The following PDE1A variants were observed in gnomAD, a reference collection of about 807,000 sequenced individuals.
The protein encoded by PDE1A is phosphodiesterase 1A.
In PDE1A, 35 loss-of-function variants were observed where a neutral mutation model predicts 61.7. That is an observed-to-expected ratio of 0.57 (90% CI 0.43 to 0.75). The LOEUF (loss-of-function observed/expected upper bound fraction) is 0.75, where lower values mean the gene tolerates loss of function less well. Among genes scored for constraint, PDE1A ranks in the 30% least tolerant of loss-of-function variants. PDE1A has a pLI of 0.00. For missense variants in PDE1A, 597 were observed against 630.6 expected (o/e 0.95, Z 0.57); for synonymous variants, 232 against 213.2 (o/e 1.09, Z -0.77).
At chr2:182,499,611 A>C (rs925863662) in intron 2 of PDE1A, among the ~76,000 whole-genome samples, 3 of 152,246 alleles carry the variant, frequency 2.0e-5, no homozygotes, top group Non-Finnish European at 4.4e-5. Flanking sequence ...CACAAAAAGA[A>C]GACTGAAAGG....
intron 2 of PDE1A, among the ~76,000 whole-genome samples, chr2:182,473,242 C>A (rs938796318): frequency 6.6e-6 from 1 of 151,858 alleles, no homozygotes; most frequent in Non-Finnish European, 1.5e-5. Flanking sequence ...TCTAAAACAC[C>A]AAAAGCAACG....
chr2:182,639,527 C>G, the PDE1A span, among the ~76,000 whole-genome samples: 1 of 152,098 alleles, frequency 6.6e-6, no homozygotes, highest in Non-Finnish European at 1.5e-5. Flanking sequence ...AAGATCATGC[C>G]ACTGCACTCC....
chr2:182,184,736 G>C (rs1267636338), intron 13 of PDE1A, among the ~76,000 whole-genome samples: 4 of 152,082 alleles, frequency 2.6e-5, no homozygotes, highest in Non-Finnish European at 5.9e-5. Context: ...GAATTAATGT[G>C]CTATTTTTGG....
chr2:182,468,212 T>C (rs961569248), intron 2 of PDE1A, among the ~76,000 whole-genome samples: 1 of 152,046 alleles, frequency 6.6e-6, no homozygotes, highest in African/African-American at 2.4e-5. Context: ...TAGCATGTGA[T>C]GCTGTTTGAT....
intron 1 of PDE1A, among the ~76,000 whole-genome samples, chr2:182,348,300 T>A (rs573256564): frequency 3.3e-5 from 5 of 152,114 alleles, no homozygotes; most frequent in Non-Finnish European, 7.4e-5. Context: ...CTTAGGCAGA[T>A]TGTTAGACTC....
At chr2:182,666,313 G>A in the PDE1A span, among the ~76,000 whole-genome samples, 1 of 152,158 alleles carries the variant, frequency 6.6e-6, no homozygotes, top group African/African-American at 2.4e-5. Flanking sequence ...ATTACTACAT[G>A]TTTTAAAAAA....
intron 13 of PDE1A, among the ~76,000 whole-genome samples, chr2:182,172,426 A>C (rs2125330057): frequency 6.6e-6 from 1 of 152,174 alleles, no homozygotes; most frequent in South Asian, 2.1e-4. Flanking sequence ...ATCAAAATCC[A>C]TAGTTTTTAC....
At chr2:182,601,232 A>T in the PDE1A span, among the ~76,000 whole-genome samples, 1 of 152,194 alleles carries the variant, frequency 6.6e-6, no homozygotes, top group Non-Finnish European at 1.5e-5. Context: ...GCCACTGCAC[A>T]TAGTCACACT....
intron 1 of PDE1A, among the ~76,000 whole-genome samples, chr2:182,372,520 T>G (rs1039596774): frequency 6.6e-6 from 1 of 152,244 alleles, no homozygotes; most frequent in Non-Finnish European, 1.5e-5. Flanking sequence ...CAGGTAACAC[T>G]GTTATATGCT....
At chr2:182,463,796 A>G (rs954730719) in intron 2 of PDE1A, 3 of 152,212 alleles carry the variant, frequency 2.0e-5, no homozygotes, top group African/African-American at 7.2e-5. Flanking sequence ...TGTACCACTT[A>G]TTACAAATTC....
At chr2:182,488,694 A>G (rs1688182584) in intron 2 of PDE1A, among the ~76,000 whole-genome samples, 2 of 152,254 alleles carry the variant, frequency 1.3e-5, no homozygotes, top group Admixed American at 1.3e-4. Context: ...AATCAAAAAT[A>G]TTCTATTGTA....
intron 1 of PDE1A, among the ~76,000 whole-genome samples, chr2:182,321,858 TA>T (rs978910268): frequency 1.3e-5 from 2 of 152,158 alleles, no homozygotes; most frequent in African/African-American, 4.8e-5. Flanking sequence ...GATTTTTATA[TA>T]AGGGAAGAGT....
chr2:182,373,271 T>A (rs1355095076), intron 1 of PDE1A, among the ~76,000 whole-genome samples: 1 of 152,176 alleles, frequency 6.6e-6, no homozygotes, highest in African/African-American at 2.4e-5. Flanking sequence ...CTGGGCTGCA[T>A]GTGGTACTGT....
chr2:182,419,964 T>A (rs1703169970), intron 1 of PDE1A, among the ~76,000 whole-genome samples: 1 of 151,846 alleles, frequency 6.6e-6, no homozygotes, highest in Non-Finnish European at 1.5e-5. Flanking sequence ...TCTTATAGTT[T>A]CGTAGGGGAG....
At chr2:182,609,542 G>A in the PDE1A span, among the ~76,000 whole-genome samples, 11 of 152,294 alleles carry the variant, frequency 7.2e-5, no homozygotes, top group African/African-American at 2.2e-4. Context: ...AACCCACCAG[G>A]AGGAATGAAA....
At chr2:182,452,683 C>A (rs1457640547) in intron 2 of PDE1A, among the ~76,000 whole-genome samples, 2 of 152,078 alleles carry the variant, frequency 1.3e-5, no homozygotes, top group Non-Finnish European at 2.9e-5. Context: ...AAAAAGGTGA[C>A]AACTTGCCTC....
At chr2:182,679,610 T>C in the PDE1A span, among the ~76,000 whole-genome samples, 1 of 152,040 alleles carries the variant, frequency 6.6e-6, no homozygotes, top group Non-Finnish European at 1.5e-5. Context: ...AGATAAAACT[T>C]TTTAAAAAAG....
At chr2:182,677,900 T>C in the PDE1A span, among the ~76,000 whole-genome samples, 1 of 152,194 alleles carries the variant, frequency 6.6e-6, no homozygotes, top group Non-Finnish European at 1.5e-5. Flanking sequence ...GCCCATTTTA[T>C]CAAATAATCT....
At chr2:182,380,819 A>C (rs2125311834) in intron 1 of PDE1A, among the ~76,000 whole-genome samples, 1 of 152,350 alleles carries the variant, frequency 6.6e-6, no homozygotes, top group South Asian at 2.1e-4. Flanking sequence ...CCAGACTAAT[A>C]GTTATTTAAT....
Sources: allele counts gnomAD v4.1 joint callset (sites outside exome capture counted in the v4.1 genomes callset), GRCh38; gene constraint gnomAD v4.1.1; transcripts MANE v1.5; gene names NCBI Gene and HGNC (gene_info 2026-07-23, HGNC 2026-07-21).